CDH6: variants seen among roughly 807,000 people sequenced by gnomAD.
The protein encoded by CDH6 is cadherin 6, also known as cadherin-6.
CDH6 carries 31 observed loss-of-function variants against 78.0 expected under a neutral mutation model. The ratio of observed to expected loss-of-function variants is 0.40; its 90% confidence interval spans 0.30 to 0.54. The LOEUF is 0.54. Among genes scored for constraint, CDH6 ranks in the 20% least tolerant of loss-of-function variants. The pLI is 0.56. For synonymous variants in CDH6, 376 were observed against 368.8 expected, an observed-to-expected ratio of 1.02 and a Z score of -0.23; for missense variants, 724 against 975.9, an observed-to-expected ratio of 0.74 and a Z score of 3.44.
At chr5:31,203,490 A>G (rs1483619893) in intron 1 of CDH6, among the ~76,000 whole-genome samples, 3 of 138,172 alleles carry the variant, frequency 2.2e-5, no homozygotes, top group African/African-American at 8.2e-5. Context: ...GAGTGAGAAT[A>G]TGCGGTGTTT....
At chr5:31,225,363 A>G (rs1195681286) in intron 1 of CDH6, among the ~76,000 whole-genome samples, 4 of 152,184 alleles carry the variant, frequency 2.6e-5, no homozygotes, top group African/African-American at 7.2e-5. Context: ...TACTCTTACT[A>G]TAGACACAAC....
In CDH6 at chr5:31,323,455, AC is replaced by A; in HGVS notation, c.*148del. The A allele has an allele frequency of 1.1e-6, 1 of 909,306 alleles. No homozygotes were observed. Among genetic ancestry groups the A allele is most frequent in the Non-Finnish European group, 1.6e-6 (1 of 617,454 alleles). The allele number at this position is 909,306 out of a possible 1,614,324, so 56.3% of individuals were successfully genotyped here. On this transcript the variant is annotated 3_prime_UTR_variant, in exon 12 of 12. Transcript: ENST00000265071. ...AGTCCGTGTGGATCCAATGTTAGAG[AC>A]TTTTTTCTAGTACACTTTTATGAGC...
chr5:31,214,672 A>G (rs1477614538), intron 1 of CDH6, among the ~76,000 whole-genome samples: 7 of 152,246 alleles, frequency 4.6e-5, no homozygotes, highest in Non-Finnish European at 2.9e-5. Flanking sequence ...CTGATTGCAG[A>G]TAAATTTTGA....
At chr5:31,208,075 G>A (rs547190199) in intron 1 of CDH6, among the ~76,000 whole-genome samples, 2 of 152,336 alleles carry the variant, frequency 1.3e-5, no homozygotes, top group Admixed American at 1.3e-4. Flanking sequence ...TTTATTGCTG[G>A]AGTAGAAAGG....
intron 1 of CDH6, chr5:31,251,279 A>G (rs1318380651): frequency 6.6e-6 from 1 of 152,280 alleles, no homozygotes; most frequent in Admixed American, 6.5e-5. Flanking sequence ...GTAAGGCATC[A>G]TGGGCACCAA....
intron 1 of CDH6, among the ~76,000 whole-genome samples, chr5:31,232,438 C>A (rs1263185659): frequency 1.3e-5 from 2 of 152,206 alleles, no homozygotes; most frequent in Non-Finnish European, 2.9e-5. Flanking sequence ...CCTGGTTAGA[C>A]TCTAAGACCC....
In CDH6 at chr5:31,293,085, C is replaced by A. The variant is rs1008614329; in HGVS notation, c.229-877C>A. On this transcript the variant is annotated intron_variant, in intron 2 of 11. Coordinates refer to ENST00000265071, the MANE Select transcript of CDH6 (RefSeq NM_004932.4). ...CTATTTCCACGGTATCCTTAGTATT[C>A]ATTTAATTCCAACTTTTACCCAAAC... Among the ~76,000 whole-genome samples, 62 of 152,032 alleles carry A rather than the reference C, an allele frequency of 4.1e-4. 1 individual carries two copies. The highest frequency in any genetic ancestry group is 1.4e-3 in the African/African-American group (58 of 41,492).
At chr5:31,262,399 G>A (rs1484736143) in intron 1 of CDH6, among the ~76,000 whole-genome samples, 2 of 152,094 alleles carry the variant, frequency 1.3e-5, no homozygotes, top group Non-Finnish European at 2.9e-5. Flanking sequence ...AACCACTTTT[G>A]CATATCAAAT....
chr5:31,196,215 A>T (rs1414867030), intron 1 of CDH6, among the ~76,000 whole-genome samples: 4 of 152,208 alleles, frequency 2.6e-5, no homozygotes, highest in African/African-American at 9.7e-5. Flanking sequence ...CCTTTTTAAG[A>T]AAAAATGTAC....
At chr5:31,223,275 T>C (rs1579828384) in intron 1 of CDH6, among the ~76,000 whole-genome samples, 1 of 152,350 alleles carries the variant, frequency 6.6e-6, no homozygotes, top group East Asian at 1.9e-4. Context: ...TTAGAACTTG[T>C]TTGATGCATT....
At position 31,212,116 on chromosome 5, in the gene CDH6, G is replaced by A. The variant is rs13156356; in HGVS notation, c.-129+18230G>A. On this transcript the variant is annotated intron_variant, in intron 1 of 11. Coordinates refer to ENST00000265071, the MANE Select transcript of CDH6 (RefSeq NM_004932.4). ...AGATGCCCTGTTGGACATTTCTCTC[G>A]TGCAGTTTCCACCAATAAAATGAGA... Among the ~76,000 whole-genome samples the A allele has an allele frequency of 7.2e-3, 1,091 of 152,186 alleles. 8 individuals are homozygous for A. The highest frequency in any genetic ancestry group is 0.021 in the African/African-American group (888 of 41,528).
At chr5:31,249,130 T>G (rs1273776702) in intron 1 of CDH6, 1 of 152,148 alleles carries the variant, frequency 6.6e-6, no homozygotes, top group African/African-American at 2.4e-5. Context: ...AACAAATACA[T>G]GCAATTTTAT....
At chr5:31,231,211 A>G (rs556264118) in intron 1 of CDH6, among the ~76,000 whole-genome samples, 1 of 152,354 alleles carries the variant, frequency 6.6e-6, no homozygotes, top group Non-Finnish European at 1.5e-5. Context: ...TTATGTGCAT[A>G]AAATTGATAT....
At chr5:31,316,438 G>A in intron 9 of CDH6, 109 bp downstream of exon 9, 1 of 928,324 alleles carries the variant, frequency 1.1e-6, no homozygotes, top group Non-Finnish European at 1.6e-6. Context: ...TATCTATGAA[G>A]TGAATGCTAC....
chr5:31,255,050 G>A (rs1214919322), intron 1 of CDH6, among the ~76,000 whole-genome samples: 2 of 152,078 alleles, frequency 1.3e-5, no homozygotes, highest in Admixed American at 1.3e-4. Context: ...AATAATTAAA[G>A]GGCCACATTA....
intron 1 of CDH6, among the ~76,000 whole-genome samples, chr5:31,195,216 T>C (rs1306051043): frequency 1.3e-5 from 2 of 152,216 alleles, no homozygotes; most frequent in Non-Finnish European, 2.9e-5. Context: ...TGCAAGAATG[T>C]TGCAGGAGTG....
intron 2 of CDH6, among the ~76,000 whole-genome samples, chr5:31,270,117 T>C (rs1449531265): frequency 6.6e-6 from 1 of 152,244 alleles, no homozygotes; most frequent in Non-Finnish European, 1.5e-5. Context: ...CCCTCATTTG[T>C]GGCCACAAGT....
intron 2 of CDH6, among the ~76,000 whole-genome samples, chr5:31,290,053 T>G (rs555819852): frequency 2.2e-4 from 34 of 152,028 alleles, no homozygotes; most frequent in Admixed American, 4.6e-4. Flanking sequence ...GGTCAGGAGT[T>G]TGAGACCAGC....
chr5:31,205,695 T>A (rs1003070578), intron 1 of CDH6, among the ~76,000 whole-genome samples: 4 of 152,224 alleles, frequency 2.6e-5, no homozygotes, highest in Non-Finnish European at 5.9e-5. Flanking sequence ...GTATTTTCTA[T>A]CATAAATAAA....
Sources: allele counts gnomAD v4.1 joint callset (sites outside exome capture counted in the v4.1 genomes callset), GRCh38; gene constraint gnomAD v4.1.1; transcripts MANE v1.5; gene names NCBI Gene and HGNC (gene_info 2026-07-23, HGNC 2026-07-21).